Variants in KHDRBS2 observed in about 807,000 individuals in gnomAD.
The protein encoded by KHDRBS2 is KH RNA binding domain containing, signal transduction associated 2.
Under a neutral mutation model 44.3 loss-of-function variants are expected in KHDRBS2, and 26 were observed. The ratio of observed to expected loss-of-function variants is 0.59; its 90% CI spans 0.43 to 0.81. The LOEUF (loss-of-function observed/expected upper bound fraction) is 0.81. Ranked by LOEUF, KHDRBS2 falls within the 40% of genes least tolerant of loss-of-function variation. KHDRBS2 has a pLI of 0.00. For synonymous variants in KHDRBS2, 194 were observed against 151.1 expected (o/e 1.28, Z -2.08); for missense variants, 476 against 433.1 (o/e 1.10, Z -0.88).
At chr6:61,626,236 G>A in the KHDRBS2 span, among the ~76,000 whole-genome samples, 5 of 152,132 alleles carry the variant, frequency 3.3e-5, no homozygotes, top group Admixed American at 6.5e-5. Flanking sequence ...TTAATTGTGC[G>A]ACTGTTGCAG....
At chr6:61,939,126 C>A (rs34265304) in intron 4 of KHDRBS2, among the ~76,000 whole-genome samples, 59,790 of 151,506 alleles carry the variant, frequency 0.39, 11,885 homozygotes, top group Admixed American at 0.47. Context: ...GGACCCCACA[C>A]CAAAAATTAT....
At chr6:62,127,151 C>T (rs1809162367) in intron 2 of KHDRBS2, among the ~76,000 whole-genome samples, 2 of 152,084 alleles carry the variant, frequency 1.3e-5, no homozygotes, top group African/African-American at 4.8e-5. Flanking sequence ...AGTCTCCTTA[C>T]TTTAAATACA....
chr6:61,955,047 T>C (rs1292957673), intron 4 of KHDRBS2, among the ~76,000 whole-genome samples: 2 of 145,020 alleles, frequency 1.4e-5, no homozygotes, highest in African/African-American at 5.0e-5. Context: ...CATGTATGTA[T>C]ACATATATGT....
intron 6 of KHDRBS2, among the ~76,000 whole-genome samples, chr6:61,827,358 G>A (rs1791059149): frequency 6.6e-6 from 1 of 152,134 alleles, no homozygotes; most frequent in South Asian, 2.1e-4. Flanking sequence ...GCTCTTTGGG[G>A]AAGGAGAAGA....
chr6:61,748,827 T>C (rs923929288), intron 6 of KHDRBS2, among the ~76,000 whole-genome samples: 1 of 152,108 alleles, frequency 6.6e-6, no homozygotes, highest in Non-Finnish European at 1.5e-5. Flanking sequence ...TGCTGTCCAA[T>C]AGCTCTTCCT....
At chr6:61,579,197 T>G in the KHDRBS2 span, among the ~76,000 whole-genome samples, 3 of 152,182 alleles carry the variant, frequency 2.0e-5, no homozygotes, top group Non-Finnish European at 4.4e-5. Flanking sequence ...ATCTTTATTC[T>G]GTGCCCAGCT....
chr6:61,640,677 A>C, the KHDRBS2 span, among the ~76,000 whole-genome samples: 2 of 152,138 alleles, frequency 1.3e-5, no homozygotes, highest in African/African-American at 4.8e-5. Flanking sequence ...CCTGAGAATG[A>C]CCAACAGCCC....
chr6:61,760,920 A>T (rs1215937669), intron 6 of KHDRBS2, among the ~76,000 whole-genome samples: 1 of 152,212 alleles, frequency 6.6e-6, no homozygotes, highest in East Asian at 1.9e-4. Context: ...TCTATAGTTG[A>T]GAGGAAAAGA....
At chr6:62,102,288 A>G (rs1032159718) in intron 2 of KHDRBS2, among the ~76,000 whole-genome samples, 1 of 152,204 alleles carries the variant, frequency 6.6e-6, no homozygotes, top group African/African-American at 2.4e-5. Flanking sequence ...ATGAAGAAAT[A>G]CCCAAGACTG....
At chr6:61,727,636 A>G (rs1773789556) in intron 7 of KHDRBS2, among the ~76,000 whole-genome samples, 8 of 152,228 alleles carry the variant, frequency 5.3e-5, no homozygotes, top group Admixed American at 4.6e-4. Flanking sequence ...ACCTGAACAG[A>G]TACTTCTCAA....
At chr6:62,126,202 T>C (rs1352123506) in intron 2 of KHDRBS2, among the ~76,000 whole-genome samples, 1 of 152,142 alleles carries the variant, frequency 6.6e-6, no homozygotes, top group Non-Finnish European at 1.5e-5. Flanking sequence ...TAGCGTAGCT[T>C]GGCAGTATTT....
chr6:62,165,401 A>G (rs1818476046), intron 2 of KHDRBS2, among the ~76,000 whole-genome samples: 1 of 150,740 alleles, frequency 6.6e-6, no homozygotes, highest in African/African-American at 2.4e-5. Context: ...CTTTTTCAAT[A>G]AATTATTTAT....
At chr6:62,247,976 A>G (rs1045350362) in intron 1 of KHDRBS2, among the ~76,000 whole-genome samples, 3 of 152,126 alleles carry the variant, frequency 2.0e-5, no homozygotes, top group African/African-American at 7.2e-5. Context: ...ATGGAATAGT[A>G]GTCGAAAACA....
intron 4 of KHDRBS2, among the ~76,000 whole-genome samples, chr6:61,969,638 T>G (rs1197306134): frequency 6.6e-6 from 1 of 151,820 alleles, no homozygotes; most frequent in Non-Finnish European, 1.5e-5. Flanking sequence ...ATTCCTCAAA[T>G]AAGAAGTAGA....
chr6:61,560,071 T>A, the KHDRBS2 span, among the ~76,000 whole-genome samples: 1 of 152,186 alleles, frequency 6.6e-6, no homozygotes, highest in African/African-American at 2.4e-5. Context: ...TATATTTTGA[T>A]TAAATAGGCT....
chr6:61,681,637 C>T (rs995642054), intron 8 of KHDRBS2, among the ~76,000 whole-genome samples: 1 of 98,468 alleles, frequency 1.0e-5, no homozygotes, highest in Non-Finnish European at 2.3e-5. Flanking sequence ...AATCAGTAAA[C>T]AAAACAAAAC....
At chr6:61,641,533 T>C in the KHDRBS2 span, among the ~76,000 whole-genome samples, 1 of 152,182 alleles carries the variant, frequency 6.6e-6, no homozygotes, top group Non-Finnish European at 1.5e-5. Flanking sequence ...ATTCTTCATT[T>C]CATCATCCCT....
chr6:61,725,283 C>A (rs1773375924), intron 7 of KHDRBS2, among the ~76,000 whole-genome samples: 1 of 152,044 alleles, frequency 6.6e-6, no homozygotes, highest in Admixed American at 6.6e-5. Context: ...AACTCTGGGA[C>A]ACAGCTAAAG....
chr6:62,188,181 T>C (rs1823835570), intron 1 of KHDRBS2, among the ~76,000 whole-genome samples: 2 of 151,938 alleles, frequency 1.3e-5, no homozygotes, highest in African/African-American at 4.8e-5. Context: ...GCCTCCACCT[T>C]CAACACTGGG....
Sources: gnomAD v4.1 joint callset for allele counts (sites outside exome capture counted in the v4.1 genomes callset) on GRCh38, gnomAD v4.1.1 for gene constraint, MANE v1.5 for transcripts, NCBI Gene and HGNC (gene_info 2026-07-23, HGNC 2026-07-21) for gene names.